MAGEC3: variants seen among roughly 807,000 people sequenced by gnomAD.
MAGEC3 encodes the protein MAGE family member C3.
Under a neutral mutation model 35.3 loss-of-function variants are expected in MAGEC3, and 34 were observed. The ratio of observed to expected loss-of-function variants is 0.96; its 90% CI spans 0.73 to 1.28. The LOEUF (loss-of-function observed/expected upper bound fraction) is 1.28, where lower values mean the gene tolerates loss of function less well. Ranked by LOEUF, MAGEC3 falls within the 50% of genes most tolerant of loss-of-function variation. MAGEC3 has a pLI of 0.00. For missense variants in MAGEC3, 561 were observed against 483.6 expected (o/e 1.16, Z -1.50); for synonymous variants, 202 against 185.6 (o/e 1.09, Z -0.72).
intron 1 of MAGEC3, among the ~76,000 whole-genome samples, chrX:141,848,578 A>G (rs1486306182): frequency 9.0e-6 from 1 of 111,423 alleles, no homozygotes. Context: ...CAAGTAGGTG[A>G]AAGATCTCTA....
At chrX:141,874,505 A>C (rs1277206945) in intron 2 of MAGEC3, among the ~76,000 whole-genome samples, 1 of 112,233 alleles carries the variant, frequency 8.9e-6, no homozygotes, top group Non-Finnish European at 1.9e-5. Context: ...CTCAATAACA[A>C]GAAAGCAATC....
intron 1 of MAGEC3, among the ~76,000 whole-genome samples, chrX:141,852,978 T>G (rs1276931558): frequency 6.3e-5 from 7 of 111,622 alleles, no homozygotes; most frequent in Non-Finnish European, 1.1e-4. Context: ...TTCTAAAAGA[T>G]TCATGGTAAT....
chrX:141,877,473 T>C (rs2017927304), intron 2 of MAGEC3, among the ~76,000 whole-genome samples: 1 of 111,930 alleles, frequency 8.9e-6, no homozygotes, highest in Non-Finnish European at 1.9e-5. Context: ...CAAACTGATA[T>C]ACTATTATAT....
intron 4 of MAGEC3, among the ~76,000 whole-genome samples, chrX:141,894,326 AAATT>A (rs1322039106): frequency 3.3e-4 from 37 of 112,192 alleles, no homozygotes; most frequent in African/African-American, 9.4e-4. Context: ...ATTATAATAA[AAATT>A]AATGACATTA....
In MAGEC3 at chrX:141,897,185, CT is replaced by C; in HGVS notation, c.1428del (p.Val477SerfsTer7). 8.3e-7 allele frequency: 1 copy of C among 1,212,051 alleles called. No homozygotes were observed. Among genetic ancestry groups the C allele is most frequent in the Non-Finnish European group, 1.1e-6 (1 of 895,554 alleles). ...CTCCTCAAATATCAAACAAAAGAGCCTGTCACAAAGGCAGAGATGCTGACGA... is the reference window on the plus strand; with the variant it reads ...CTCCTCAAATATCAAACAAAAGAGCCGTCACAAAGGCAGAGATGCTGACGA... ...FLLLKYQTKEPVTKAEMLTTV... is the reference protein window; with the variant it reads ...FLLLKYQTKEXVTKAEMLTTV... On this transcript the variant is annotated frameshift_variant, in exon 7 of 8. Transcript: ENST00000298296. LOFTEE classifies it high-confidence loss of function.
At position 141,897,136 on chromosome X, in the gene MAGEC3, G is replaced by A; in HGVS notation, c.1378G>A (p.Val460Met). The A allele has an allele frequency of 8.3e-7, 1 of 1,211,955 alleles. No homozygotes were observed. Among genetic ancestry groups the A allele is most frequent in the Non-Finnish European group, 1.1e-6 (1 of 895,611 alleles). ...SLPRYALDEK[V>M]AELVQFLLLK... ...GCCCAGGTATGCCCTGGATGAAAAG[G>A]TGGCTGAGTTGGTGCAGTTTCTTCT... Residue 460 changes from valine to methionine, a missense_variant, in exon 7 of 8, where the codon GTG becomes ATG. By Grantham distance (21) the Val-to-Met change is conservative (BLOSUM62 1). Coordinates refer to ENST00000298296, the MANE Select transcript of MAGEC3 (RefSeq NM_138702.1).
Position 141,895,686 on chromosome X carries a change from C to T in MAGEC3, c.1123+127C>T, listed in dbSNP as rs762856849. The T allele has an allele frequency of 9.5e-5, 40 of 420,717 alleles. No homozygotes were observed. In the African/African-American group the frequency reaches 9.6e-4, roughly 10 times the overall value. The allele number at this position is 420,717 out of a possible 1,213,427, so 34.7% of individuals were successfully genotyped here. A position where few individuals can be genotyped will look rare whatever the true frequency, so the allele number is the denominator to read the frequency against. On this transcript the variant is annotated intron_variant, in intron 6 of 7. Coordinates refer to ENST00000298296, the MANE Select transcript of MAGEC3 (RefSeq NM_138702.1). ...ATCAGCCCTCGTAGAGCTCCTCAGT[C>T]AGCTCAGGCTGAGCGGCAGTCCTCT...
chrX:141,894,919 G>A (rs2018073581), intron 4 of MAGEC3: 2 of 772,986 alleles, frequency 2.6e-6, no homozygotes, highest in African/African-American at 4.7e-5. Flanking sequence ...TAGGCCCGAA[G>A]GGGTGGGAGG....
intron 1 of MAGEC3, chrX:141,838,698 A>G (rs956024873): frequency 1.1e-5 from 8 of 752,380 alleles, no homozygotes; most frequent in Non-Finnish European, 1.3e-5. Context: ...GGGCTCCAGG[A>G]CAGTATGTAG....
chrX:141,887,406 G>T (rs2018010734), intron 4 of MAGEC3, among the ~76,000 whole-genome samples: 1 of 112,219 alleles, frequency 8.9e-6, no homozygotes, highest in Non-Finnish European at 1.9e-5. Context: ...GCATTCCAGA[G>T]GATGGGAAAT....
intron 4 of MAGEC3, among the ~76,000 whole-genome samples, chrX:141,883,391 G>A (rs1282210223): frequency 1.8e-5 from 2 of 111,966 alleles, no homozygotes; most frequent in African/African-American, 6.5e-5. Flanking sequence ...AAGGTGAAAA[G>A]GAGTTGGTCC....
At chrX:141,881,325 C>T (rs2017962182) in intron 3 of MAGEC3, 78 bp from the exon 4 acceptor site, 2 of 1,117,082 alleles carry the variant, frequency 1.8e-6, no homozygotes, top group Non-Finnish European at 2.4e-6. Context: ...CCCTGTCCTG[C>T]TCCTCCTCCA....
chrX:141,855,921 A>G (rs1274641909), intron 1 of MAGEC3, among the ~76,000 whole-genome samples: 2 of 111,637 alleles, frequency 1.8e-5, no homozygotes, highest in Admixed American at 1.9e-4. Context: ...CAGTGCATCC[A>G]AGTTGGCGAC....
chrX:141,892,244 C>G (rs1040905060), intron 4 of MAGEC3, among the ~76,000 whole-genome samples: 2 of 111,884 alleles, frequency 1.8e-5, no homozygotes, highest in African/African-American at 3.2e-5. Context: ...GATCCAAGAT[C>G]GTTCCATGAC....
At chrX:141,871,412 G>A (rs1344315400) in intron 2 of MAGEC3, among the ~76,000 whole-genome samples, 2 of 111,579 alleles carry the variant, frequency 1.8e-5, no homozygotes, top group African/African-American at 6.5e-5. Flanking sequence ...AGGAGTCCCA[G>A]GCCACCAGAA....
intron 1 of MAGEC3, among the ~76,000 whole-genome samples, chrX:141,861,639 T>C (rs1415600096): frequency 7.2e-5 from 8 of 111,737 alleles, no homozygotes; most frequent in African/African-American, 2.6e-4. Flanking sequence ...TACAACCATC[T>C]GATCTTCAAC....
intron 2 of MAGEC3, among the ~76,000 whole-genome samples, chrX:141,873,264 C>T (rs1477019484): frequency 1.8e-5 from 2 of 110,959 alleles, no homozygotes; most frequent in African/African-American, 3.3e-5. Flanking sequence ...ATACCTCTTC[C>T]TGCAGCTGCA....
chrX:141,880,931 C>T (rs188422149), intron 3 of MAGEC3: 1 of 696,367 alleles, frequency 1.4e-6, no homozygotes, highest in African/African-American at 2.1e-5. Context: ...ATGCCATCAT[C>T]CACATCCCTG....
rs1386705709 is a variant in MAGEC3 at position 141,881,659 on chromosome X, C to A, written c.772C>A (p.Leu258Ile). The change falls in exon 4 of 8, where the codon CTC (leucine) becomes ATC (isoleucine). Residue 258 changes from leucine to isoleucine, a missense_variant. Physicochemically the swap from Leu to Ile is conservative, Grantham distance 5. Transcript: ENST00000298296. The part of the protein sequence containing the change: ...HFYVFVNTLD[L>I]TCEGSLSDEQ... ...CTATGTCTTTGTAAACACATTAGAC[C>A]TCACCTGTGAGGGGAGTCTGAGTGA... The A allele has an allele frequency of 2.5e-6, 3 of 1,211,440 alleles. No individual in the cohort carries two copies. Among genetic ancestry groups the A allele is most frequent in the Non-Finnish European group, 3.4e-6 (3 of 895,400 alleles).
Sources: allele counts gnomAD v4.1 joint callset (sites outside exome capture counted in the v4.1 genomes callset), GRCh38; gene constraint gnomAD v4.1.1; transcripts MANE v1.5; gene names NCBI Gene and HGNC (gene_info 2026-07-23, HGNC 2026-07-21).